Variants in TRMT2A observed in about 807,000 individuals in gnomAD.
TRMT2A encodes the protein tRNA (uracil-5-)-methyltransferase homolog A.
In TRMT2A, 60 loss-of-function variants were observed where a neutral mutation model predicts 59.3. That is an observed-to-expected ratio of 1.01 (90% confidence interval 0.82 to 1.26). The LOEUF (loss-of-function observed/expected upper bound fraction) is 1.26, where lower values mean the gene tolerates loss of function less well. Ranked by LOEUF, TRMT2A falls within the 50% of genes most tolerant of loss-of-function variation. The pLI is 0.00. For synonymous variants in TRMT2A, 403 were observed against 353.7 expected, an observed-to-expected ratio of 1.14 and a Z score of -1.56; for missense variants, 863 against 845.2, an observed-to-expected ratio of 1.02 and a Z score of -0.26.
chr22:20,113,423 G>C lies in TRMT2A; in HGVS notation c.1432+9C>G. ...CATCCCCACCCCCACCCACGGCCTT[G>C]CCACTCACCATTGTCCTGGGCGTTC... On this transcript the variant is annotated intron_variant, in intron 9 of 11. Coordinates refer to ENST00000252136, the MANE Select transcript of TRMT2A (RefSeq NM_022727.6). 1 of 1,448,468 alleles carries C rather than the reference G, an allele frequency of 6.9e-7. No individual in the cohort carries two copies. Among genetic ancestry groups the C allele is most frequent in the Non-Finnish European group, 9.6e-7 (1 of 1,043,592 alleles). 89.7% of individuals were successfully genotyped at this position (1,448,468 alleles called of 1,614,324 possible). A position where few individuals can be genotyped will look rare whatever the true frequency, so the allele number is the denominator to read the frequency against.
rs568944640 is a variant in TRMT2A at position 20,112,592 on chromosome 22, G to A, written c.1849C>T (p.Gln617Ter). The stretch of plus-strand genomic sequence containing the variant: ...GATGAGGGGAAGGTCCCAGTTTCTT[G>A]TAGGGTGTTATCTGGGGGTCCTGGT... ...PTPGPPDNTL[Q>*]ETGTFPSS Residue 617 changes from glutamine (Q) to a stop codon, truncating the protein, a stop_gained, in exon 12 of 12, where the codon CAA becomes TAA. Transcript: ENST00000252136. LOFTEE classifies it high-confidence loss of function. 2 of 1,614,050 alleles carry A rather than the reference G, an allele frequency of 1.2e-6. No homozygotes were observed. The highest frequency in any genetic ancestry group is 3.3e-5 in the Admixed American group (2 of 60,028).
chr22:20,113,334 C>A, intron 9 of TRMT2A, 98 bp downstream of exon 9: 1 of 1,520,422 alleles, frequency 6.6e-7, no homozygotes, highest in Non-Finnish European at 8.9e-7. Flanking sequence ...ACTTGCTCTA[C>A]CTGTCGGGCA....
At position 20,116,305 on chromosome 22, in the gene TRMT2A, C is replaced by G. The variant is rs776835643; in HGVS notation, c.332G>C (p.Cys111Ser). Residue 111 changes from cysteine to serine, a missense_variant, in exon 2 of 12, where the codon TGC becomes TCC. Physicochemically the swap from Cys to Ser is moderately radical, Grantham distance 112. Coordinates refer to ENST00000252136, the MANE Select transcript of TRMT2A (RefSeq NM_022727.6). ...AGCGCTGCGGAATGTCACAAAGGCG[C>G]AGGGTGGTTGCCCAAAGAGTTTGGT... ...HKTKLFGQPP[C>S]AFVTFRSAAE... 6.2e-7 allele frequency: 1 copy of G among 1,612,972 alleles called. No individual in the cohort carries two copies. The highest frequency in any genetic ancestry group is 1.1e-5 in the South Asian group (1 of 91,090).
At chr22:20,113,991 C>T (rs2049928041) in intron 7 of TRMT2A, among the ~76,000 whole-genome samples, 183 bp from the exon 8 acceptor site, 1 of 152,206 alleles carries the variant, frequency 6.6e-6, no homozygotes, top group African/African-American at 2.4e-5. Flanking sequence ...TCATCCAGCC[C>T]CTGGCTTTAA....
Position 20,116,135 on chromosome 22 carries a change from C to T in TRMT2A, c.502G>A (p.Val168Met). ...CATAGAGGGGTCACCACGTCGGCCA[C>T]TCGTGTTACTGGTGGCTCACTCTCA... The part of the protein sequence containing the change: ...EGESEPPVTR[V>M]ADVVTPLWTV... Residue 168 changes from valine (V) to methionine (M), a missense_variant, in exon 2 of 12, where the codon GTG becomes ATG. Transcript: ENST00000252136. 1.2e-6 allele frequency: 2 copies of T among 1,612,904 alleles called. No homozygotes were observed. Among genetic ancestry groups the T allele is most frequent in the Non-Finnish European group, 1.7e-6 (2 of 1,179,692 alleles).
At chr22:20,116,674 GCTTC>G in intron 1 of TRMT2A, 62 bp from the exon 2 acceptor site, 1 of 1,497,282 alleles carries the variant, frequency 6.7e-7, no homozygotes. Flanking sequence ...GGCCCCCCAA[GCTTC>G]CTTATGGGAC....
chr22:20,116,457 G>C lies in TRMT2A; in HGVS notation c.180C>G (p.Tyr60Ter). The change falls in exon 2 of 12, where the codon TAC becomes TAG. Residue 60 changes from tyrosine (Y) to a stop codon, truncating the protein, a stop_gained. Coordinates refer to ENST00000252136, the MANE Select transcript of TRMT2A (RefSeq NM_022727.6). LOFTEE classifies it high-confidence loss of function. ...TAAACAAGTCATCCCTGATGTAGCT[G>C]TAGAGCCCGGGCTGAGGCCCCGGCC... ...ATGPGPQPGLYSYIRDDLFTS... is the reference protein window; with the variant it reads ...ATGPGPQPGL The C allele has an allele frequency of 6.2e-7, 1 of 1,612,872 alleles. No homozygotes were observed. The highest frequency in any genetic ancestry group is 8.5e-7 in the Non-Finnish European group (1 of 1,179,904).
In TRMT2A at chr22:20,112,707, C is replaced by A; in HGVS notation, c.1734G>T (p.Pro578=). 6.2e-7 allele frequency: 1 copy of A among 1,613,958 alleles called. No individual in the cohort carries two copies. ...CAAACAGGATGAGCATCTCACAGTG[C>A]GGGGTCTGCGGGAACAGGTCCACTG... ...AVAVDLFPQT[P]HCEMLILFER... The change falls in exon 12 of 12, where the codon CCG becomes CCT. Residue 578 remains proline (P), a synonymous_variant. Transcript: ENST00000252136.
chr22:20,117,127 G>A lies in TRMT2A; in HGVS notation c.-221C>T. ...ATGCTCAGGTCCGGGTCTCAGGCTT[G>A]GGGCTGTACCGCCCGCCCGCCAGGG... On this transcript the variant is annotated 5_prime_UTR_variant, in exon 1 of 12. Transcript: ENST00000252136. 1.7e-6 allele frequency: 1 copy of A among 597,114 alleles called. No individual in the cohort carries two copies. Among genetic ancestry groups the A allele is most frequent in the East Asian group, 3.3e-5 (1 of 30,378 alleles). The allele number at this position is 597,114 out of a possible 1,614,324, so 37.0% of individuals were successfully genotyped here.
At position 20,112,771 on chromosome 22, in the gene TRMT2A, C is replaced by T. The variant is rs753181677; in HGVS notation, c.1670G>A (p.Arg557Gln). Residue 557 changes from arginine to glutamine, a missense_variant, in exon 12 of 12, where the codon CGG becomes CAG. Transcript: ENST00000252136. ...CGGCCGGAAGGGAATGCCCTTCACC[C>T]GGTTAGATGGGGCTCTGCAGAGGCT... ...FVDLCRAPSN[R>Q]VKGIPFRPVK... The T allele has an allele frequency of 1.7e-5, 28 of 1,613,392 alleles. No individual in the cohort carries two copies. Among genetic ancestry groups the T allele is most frequent in the Admixed American group, 1.3e-4 (8 of 59,996 alleles).
At chr22:20,113,921 C>T in intron 7 of TRMT2A, 113 bp from the exon 8 acceptor site, 2 of 1,373,470 alleles carry the variant, frequency 1.5e-6, no homozygotes, top group South Asian at 1.6e-5. Flanking sequence ...GGCGCCCACT[C>T]CCCACCTTGG....
rs752857863 is a variant in TRMT2A at position 20,115,406 on chromosome 22, C to A, written c.750G>T (p.Gly250=). The A allele has an allele frequency of 6.2e-7, 1 of 1,612,100 alleles. No individual in the cohort carries two copies. The highest frequency in any genetic ancestry group is 8.5e-7 in the Non-Finnish European group (1 of 1,179,650). Residue 250 remains glycine, a synonymous_variant, in exon 4 of 12, where the codon GGG becomes GGT. Transcript: ENST00000252136. ...CCACGGTGTTATCCTCCCCATCCAC[C>A]CCGACGCCAACCAGAAACTCACACT... ...RNKCEFLVGV[G]VDGEDNTVGC...
At chr22:20,116,648 T>A in intron 1 of TRMT2A, 36 bp from the exon 2 acceptor site, 1 of 1,517,108 alleles carries the variant, frequency 6.6e-7, no homozygotes, top group Non-Finnish European at 8.8e-7. Context: ...GGGTGAGGAC[T>A]AGGCCCTGGG....
intron 7 of TRMT2A, among the ~76,000 whole-genome samples, chr22:20,114,099 G>T (rs1044793746): frequency 7.2e-5 from 11 of 152,172 alleles, no homozygotes; most frequent in Non-Finnish European, 1.5e-4. Context: ...CCCTGCCCCA[G>T]CAAGGGGGCT....
At chr22:20,115,642 G>C in intron 3 of TRMT2A, 30 bp downstream of exon 3, 1 of 1,609,672 alleles carries the variant, frequency 6.2e-7, no homozygotes, top group Non-Finnish European at 8.5e-7. Context: ...CCCAGGATAG[G>C]GGTTTGTGGC....
rs372690022 is a variant in TRMT2A, at chr22:20,113,652, G to C, written c.1356+34C>G. On this transcript the variant is annotated intron_variant, in intron 8 of 11. Transcript: ENST00000252136. ...GGGTCAATGGGGGTCTTGGGGTGGG[G>C]AGAGGGTGCCCTCAGCAGGGCAGGA... 59 of 1,590,512 alleles carry C rather than the reference G, an allele frequency of 3.7e-5. No individual in the cohort carries two copies. In the African/African-American group the frequency reaches 7.4e-4, roughly 20 times the overall value.
chr22:20,115,544 A>G lies in TRMT2A; in HGVS notation c.709-97T>C, dbSNP rs2049984339. The stretch of plus-strand genomic sequence containing the variant: ...AGGGGCTGGCAGTCAAACAAGAGGA[A>G]CAGCTGACAACTATGTGATGTTACC... On this transcript the variant is annotated intron_variant, in intron 3 of 11. Coordinates refer to ENST00000252136, the MANE Select transcript of TRMT2A (RefSeq NM_022727.6). 3.2e-6 allele frequency: 5 copies of G among 1,556,118 alleles called. No individual in the cohort carries two copies. The South Asian group carries it at 4.5e-5, about 14-fold the overall frequency.
Position 20,114,786 on chromosome 22 carries a change from G to C in TRMT2A, c.1096C>G (p.Leu366Val). 1 of 1,611,450 alleles carries C rather than the reference G, an allele frequency of 6.2e-7. No individual in the cohort carries two copies. Among genetic ancestry groups the C allele is most frequent in the South Asian group, 1.1e-5 (1 of 90,934 alleles). The part of the protein sequence containing the change: ...GPGRASGVTC[L>V]YFVEEGQRKT... Reference sequence around the variant, plus strand: ...CGCTGTCCCTCCTCCACGAAGTAGAGGCAGGTCACTCCACTGGCCCTGCCT... The same window carrying C: ...CGCTGTCCCTCCTCCACGAAGTAGACGCAGGTCACTCCACTGGCCCTGCCT... Residue 366 changes from leucine to valine, a missense_variant, in exon 6 of 12, where the codon CTC becomes GTC. Leu to Val is a conservative substitution (Grantham distance 32). Coordinates refer to ENST00000252136, the MANE Select transcript of TRMT2A (RefSeq NM_022727.6).
intron 4 of TRMT2A, 76 bp from the exon 5 acceptor site, chr22:20,115,155 T>C: frequency 1.3e-6 from 2 of 1,563,890 alleles, no homozygotes; most frequent in Non-Finnish European, 1.7e-6. Flanking sequence ...TGGCCACACC[T>C]TCCTTCATCT....
Sources: gnomAD v4.1 joint callset for allele counts (sites outside exome capture counted in the v4.1 genomes callset) on GRCh38, gnomAD v4.1.1 for gene constraint, MANE v1.5 for transcripts, NCBI Gene and HGNC (gene_info 2026-07-23, HGNC 2026-07-21) for gene names.